The following UNC5B variants were observed in gnomAD, a reference collection of about 807,000 sequenced individuals.
The protein encoded by UNC5B is unc-5 netrin receptor B, also known as netrin receptor UNC5B.
UNC5B carries 56 observed loss-of-function variants against 103.7 expected under a neutral mutation model. The observed-to-expected ratio is 0.54, with a 90% confidence interval of 0.44 to 0.67. The LOEUF (loss-of-function observed/expected upper bound fraction) is 0.67, where lower values mean the gene tolerates loss of function less well. Among genes scored for constraint, UNC5B ranks in the 30% least tolerant of loss-of-function variants. The pLI, the probability that UNC5B is intolerant of heterozygous loss-of-function variation, is 0.00. For missense variants in UNC5B, 1,194 were observed against 1,284.5 expected, an observed-to-expected ratio of 0.93 and a Z score of 1.08; for synonymous variants, 577 against 542.0, an observed-to-expected ratio of 1.06 and a Z score of -0.90.
Position 71,248,235 on chromosome 10 carries a change from C to T in UNC5B, c.80-31586C>T, listed in dbSNP as rs368675593. 1.3e-4 allele frequency among the ~76,000 whole-genome samples: 20 copies of T among 152,202 alleles called. No individual in the cohort carries two copies. The South Asian group carries it at 3.9e-3, about 30-fold the overall frequency. On this transcript the variant is annotated intron_variant, in intron 1 of 16. Transcript: ENST00000335350. ...TGAGGAGCAGAAGAGGAGTTGAGCT[C>T]CCCCCACTTGCTTCCACCTCTCAGG...
chr10:71,298,208 C>A, intron 16 of UNC5B, 118 bp downstream of exon 16: 1 of 1,252,978 alleles, frequency 8.0e-7, no homozygotes. Context: ...TGCCCTTTTG[C>A]CACCATTTGT....
At chr10:71,282,127 G>A (rs893399716) in intron 2 of UNC5B, among the ~76,000 whole-genome samples, 8 of 152,194 alleles carry the variant, frequency 5.3e-5, no homozygotes, top group African/African-American at 9.6e-5. Context: ...TAGAAATTGG[G>A]GCACTGTTGT....
At chr10:71,247,164 G>A (rs959848865) in intron 1 of UNC5B, among the ~76,000 whole-genome samples, 4 of 152,318 alleles carry the variant, frequency 2.6e-5, no homozygotes, top group African/African-American at 9.6e-5. Context: ...AGCAATAATA[G>A]ACCACCAGCT....
chr10:71,296,824 GCACAC>G, intron 15 of UNC5B, 82 bp downstream of exon 15: 1 of 1,140,278 alleles, frequency 8.8e-7, no homozygotes, highest in South Asian at 1.4e-5. Context: ...TATTCCAGCT[GCACAC>G]CACGCTGGCG....
chr10:71,296,533 G>T, intron 14 of UNC5B, 45 bp from the exon 15 acceptor site: 3 of 1,602,516 alleles, frequency 1.9e-6, no homozygotes, highest in Non-Finnish European at 2.6e-6. Context: ...TGAGGACAGG[G>T]CAGGCTGGCC....
chr10:71,251,323 T>C (rs1844166737), intron 1 of UNC5B, among the ~76,000 whole-genome samples: 1 of 152,214 alleles, frequency 6.6e-6, no homozygotes, highest in Non-Finnish European at 1.5e-5. Context: ...ACAGCTGTAG[T>C]CTTTGTATGT....
intron 1 of UNC5B, among the ~76,000 whole-genome samples, chr10:71,223,952 T>G (rs1408292589): frequency 6.6e-6 from 1 of 152,236 alleles, no homozygotes; most frequent in Non-Finnish European, 1.5e-5. Flanking sequence ...AGAGCAGTTC[T>G]GGCCATGGGG....
intron 1 of UNC5B, among the ~76,000 whole-genome samples, chr10:71,269,314 A>C (rs1844591044): frequency 6.7e-6 from 1 of 149,820 alleles, no homozygotes; most frequent in African/African-American, 2.5e-5. Context: ...ATCTGTTTTC[A>C]ATTAAAAAAA....
intron 1 of UNC5B, among the ~76,000 whole-genome samples, chr10:71,224,364 GACACACACACACACACACACAC>G (rs58378731): frequency 5.2e-4 from 51 of 97,348 alleles, no homozygotes; most frequent in Middle Eastern, 0.01. Context: ...TCTGTATGTA[GACACACACACACACACACACAC>G]ACACACACAC....
rs748803255 is a variant in UNC5B at position 71,293,852 on chromosome 10, C to A, written c.2094C>A (p.Ala698=). Residue 698 remains alanine (A), a synonymous_variant, in exon 13 of 17, where the codon GCC becomes GCA. Coordinates refer to ENST00000335350, the MANE Select transcript of UNC5B (RefSeq NM_170744.5). ...SRSAVKRLQL[A]VFAPALCTSL... Reference sequence around the variant, plus strand: ...CAGCAGTCAAGCGGCTCCAGCTGGCCGTCTTCGCCCCCGCCCTCTGCACCT... The same window carrying A: ...CAGCAGTCAAGCGGCTCCAGCTGGCAGTCTTCGCCCCCGCCCTCTGCACCT... 1 of 1,609,992 alleles carries A rather than the reference C, an allele frequency of 6.2e-7. No homozygotes were observed. The highest frequency in any genetic ancestry group is 1.7e-5 in the Admixed American group (1 of 59,988).
intron 1 of UNC5B, among the ~76,000 whole-genome samples, chr10:71,265,623 T>C (rs575511405): frequency 7.8e-4 from 119 of 152,316 alleles, no homozygotes; most frequent in African/African-American, 2.7e-3. Flanking sequence ...AACATGTCTT[T>C]GCTCTCTTCC....
intron 1 of UNC5B, among the ~76,000 whole-genome samples, chr10:71,243,338 C>T (rs1327925882): frequency 3.3e-5 from 5 of 152,148 alleles, no homozygotes; most frequent in Non-Finnish European, 5.9e-5. Flanking sequence ...GGGGCTGTCA[C>T]ACCTTCCCTG....
chr10:71,286,896 C>T, intron 5 of UNC5B, 27 bp downstream of exon 5: 5 of 1,607,060 alleles, frequency 3.1e-6, no homozygotes, highest in Non-Finnish European at 4.3e-6. Flanking sequence ...GTGGGAGGGG[C>T]AGACACGGCC....
chr10:71,264,596 G>A (rs555451587), intron 1 of UNC5B, among the ~76,000 whole-genome samples: 46 of 152,340 alleles, frequency 3.0e-4, no homozygotes, highest in African/African-American at 1.0e-3. Context: ...GGAAAAGGAA[G>A]CTGACATATG....
intron 1 of UNC5B, among the ~76,000 whole-genome samples, chr10:71,258,351 T>C (rs1034737423): frequency 2.0e-5 from 3 of 152,178 alleles, no homozygotes; most frequent in Non-Finnish European, 1.5e-5. Flanking sequence ...TCTGCCCACC[T>C]GCTGGCCAAG....
chr10:71,256,156 A>G (rs924394924), intron 1 of UNC5B, among the ~76,000 whole-genome samples: 4 of 152,186 alleles, frequency 2.6e-5, no homozygotes, highest in African/African-American at 9.7e-5. Context: ...GAAGATCTCC[A>G]GGTGACATTG....
intron 6 of UNC5B, 85 bp downstream of exon 6, chr10:71,287,850 C>G (rs1845134278): frequency 1.3e-6 from 2 of 1,521,040 alleles, no homozygotes; most frequent in Admixed American, 2.3e-5. Context: ...CAGCCATTCT[C>G]TCCCCAGCAT....
In UNC5B at chr10:71,281,825, C is replaced by T. The variant is rs531192626; in HGVS notation, c.304+1780C>T. On this transcript the variant is annotated intron_variant, in intron 2 of 16. Transcript: ENST00000335350. ...CAGGTGGCGTACACATAGCACAGAA[C>T]AGCATGCCAGGGCCCAGCAGGCAGT... Among the ~76,000 whole-genome samples the T allele has an allele frequency of 1.6e-3, 239 of 152,314 alleles. 2 individuals carry two copies. Among genetic ancestry groups the T allele is most frequent in the African/African-American group, 5.5e-3 (228 of 41,554 alleles).
Position 71,287,600 on chromosome 10 carries a change from A to G in UNC5B, c.736A>G (p.Asn246Asp). The G allele has an allele frequency of 6.3e-7, 1 of 1,595,768 alleles. No homozygotes were observed. Among genetic ancestry groups the G allele is most frequent in the Non-Finnish European group, 8.5e-7 (1 of 1,171,346 alleles). The change falls in exon 6 of 17, where the codon AAT becomes GAT. Residue 246 changes from asparagine to aspartate, a missense_variant and splice_region_variant. By Grantham distance (23) the Asn-to-Asp change is conservative. Transcript: ENST00000335350. The stretch of plus-strand genomic sequence containing the variant: ...AGTTGACAGCTGCCGCCTTGCAGTG[A>G]ATGGCGGCTGGTCCAGCTGGGCAGA... Reference protein sequence around the residue: ...STTATVIVYVNGGWSSWAEWS... With the variant: ...STTATVIVYVDGGWSSWAEWS...
Sources: allele counts gnomAD v4.1 joint callset (sites outside exome capture counted in the v4.1 genomes callset), GRCh38; gene constraint gnomAD v4.1.1; transcripts MANE v1.5; gene names NCBI Gene and HGNC (gene_info 2026-07-23, HGNC 2026-07-21).